Variants in ENAH observed in about 807,000 individuals in gnomAD.
The protein encoded by ENAH is protein enabled homolog.
In ENAH, 23 loss-of-function variants were observed where a neutral mutation model predicts 78.7. That is an observed-to-expected ratio of 0.29 (90% CI 0.21 to 0.41). The LOEUF (loss-of-function observed/expected upper bound fraction) is 0.41, where lower values mean the gene tolerates loss of function less well. Ranked by LOEUF, ENAH falls within the 10% of genes least tolerant of loss-of-function variation. The pLI, the probability that ENAH is intolerant of heterozygous loss-of-function variation, is 1.00. For missense variants in ENAH, 544 were observed against 691.0 expected (o/e 0.79, Z 2.39); for synonymous variants, 226 against 241.0 (o/e 0.94, Z 0.58).
Position 225,513,034 on chromosome 1 carries a change from G to A in ENAH, c.1219-18C>T, listed in dbSNP as rs781409858. ...TCCTCCATCTTAATGAGAATATACA[G>A]ACATAATCAACTCCTATGTTAGACA... On this transcript the variant is annotated intron_variant, in intron 7 of 13. Coordinates refer to ENST00000366843, the MANE Select transcript of ENAH (RefSeq NM_018212.6). The A allele has an allele frequency of 6.3e-7, 1 of 1,586,568 alleles. No individual in the cohort carries two copies. Among genetic ancestry groups the A allele is most frequent in the Non-Finnish European group, 8.6e-7 (1 of 1,168,368 alleles).
chr1:225,609,855 G>C (rs1171171113), intron 1 of ENAH, among the ~76,000 whole-genome samples: 1 of 151,722 alleles, frequency 6.6e-6, no homozygotes, highest in Admixed American at 6.6e-5. Flanking sequence ...AGTAGAGACA[G>C]CGTTTTGCTA....
rs1660300627 is a variant in ENAH at position 225,637,638 on chromosome 1, G to C, written c.5+15048C>G. On this transcript the variant is annotated intron_variant, in intron 1 of 13. Coordinates refer to ENST00000366843, the MANE Select transcript of ENAH (RefSeq NM_018212.6). ...ATGCAAATAACCATTCTATGTCTGGGTGCTGGTTTTTAATTTAAATATTCA... is the reference window on the plus strand; with the variant it reads ...ATGCAAATAACCATTCTATGTCTGGCTGCTGGTTTTTAATTTAAATATTCA... Among the ~76,000 whole-genome samples the C allele has an allele frequency of 2.0e-5, 3 of 152,148 alleles. 1 individual carries two copies. The South Asian group carries it at 6.2e-4, about 32-fold the overall frequency.
intron 1 of ENAH, among the ~76,000 whole-genome samples, chr1:225,569,114 T>C (rs1305117651): frequency 6.6e-6 from 1 of 152,212 alleles, no homozygotes; most frequent in African/African-American, 2.4e-5. Flanking sequence ...TGTGATGACA[T>C]TTACATAACC....
At chr1:225,643,538 C>G (rs953446965) in intron 1 of ENAH, among the ~76,000 whole-genome samples, 1 of 152,060 alleles carries the variant, frequency 6.6e-6, no homozygotes, top group Non-Finnish European at 1.5e-5. Context: ...AATAATGGAA[C>G]AAATCTAAAA....
chr1:225,519,578 A>T lies in ENAH; in HGVS notation c.435-13T>A. 6.3e-7 allele frequency: 1 copy of T among 1,583,678 alleles called. No individual in the cohort carries two copies. The highest frequency in any genetic ancestry group is 8.5e-7 in the Non-Finnish European group (1 of 1,172,436). ...TTCTTGTAGTTGTCTGGAAAAAAAA[A>T]AAAAAAAGTAAAAACATGCATCTAT... is the stretch of plus-strand genomic sequence containing the variant. On this transcript the variant is annotated splice_polypyrimidine_tract_variant and intron_variant, in intron 4 of 13. Transcript: ENST00000366843.
chr1:225,506,403 G>T (rs1001758422), intron 11 of ENAH, among the ~76,000 whole-genome samples: 1 of 152,146 alleles, frequency 6.6e-6, no homozygotes, highest in African/African-American at 2.4e-5. Flanking sequence ...AGCCAAGCTG[G>T]TCTCAAATTC....
chr1:225,557,962 C>T (rs532985152), intron 2 of ENAH, among the ~76,000 whole-genome samples: 1 of 152,264 alleles, frequency 6.6e-6, no homozygotes, highest in Admixed American at 6.5e-5. Flanking sequence ...CAAGTCCTCC[C>T]CAACATCTCT....
intron 3 of ENAH, among the ~76,000 whole-genome samples, chr1:225,534,982 TCA>T (rs1298064104): frequency 1.3e-5 from 2 of 152,060 alleles, no homozygotes; most frequent in Non-Finnish European, 2.9e-5. Flanking sequence ...CACTCTTAAG[TCA>T]CAGATTTCTA....
chr1:225,548,845 A>AG (rs2096627818), intron 3 of ENAH, among the ~76,000 whole-genome samples: 1 of 115,136 alleles, frequency 8.7e-6, no homozygotes, highest in South Asian at 2.8e-4. Flanking sequence ...CTTAGTGAAC[A>AG]GATTTTTTTT....
chr1:225,616,878 T>A (rs548315543), intron 1 of ENAH, among the ~76,000 whole-genome samples: 1 of 152,134 alleles, frequency 6.6e-6, no homozygotes, highest in African/African-American at 2.4e-5. Context: ...GGCGGGCAGA[T>A]CACCTGAGGT....
chr1:225,587,211 G>GA (rs908619129), intron 1 of ENAH, among the ~76,000 whole-genome samples: 1 of 151,378 alleles, frequency 6.6e-6, no homozygotes, highest in Non-Finnish European at 1.5e-5. Context: ...GAAAGAAAAG[G>GA]AAAAAAAAGA....
Position 225,487,798 on chromosome 1 carries a change from A to C in ENAH, c.*9977T>G, listed in dbSNP as rs2096206156. On this transcript the variant is annotated 3_prime_UTR_variant, in exon 14 of 14. Coordinates refer to ENST00000366843, the MANE Select transcript of ENAH (RefSeq NM_018212.6). ...CTAAAATTCAGAGCAAAGCAAGATG[A>C]CAAGAGATTCCAATTCCAGCATATA... 1 of 152,262 alleles carries C rather than the reference A, an allele frequency of 6.6e-6. No individual in the cohort carries two copies. The highest frequency in any genetic ancestry group is 1.5e-5 in the Non-Finnish European group (1 of 68,050). The allele number at this position is 152,262 out of a possible 1,614,324, so 9.4% of individuals were successfully genotyped here.
chr1:225,649,051 G>C (rs1160650977), intron 1 of ENAH, among the ~76,000 whole-genome samples: 1 of 151,920 alleles, frequency 6.6e-6, no homozygotes, highest in African/African-American at 2.4e-5. Flanking sequence ...AAATAGGCCT[G>C]GAAACAGGAG....
At chr1:225,652,553 G>A (rs942312888) in intron 1 of ENAH, 133 bp downstream of exon 1, 37 of 1,057,700 alleles carry the variant, frequency 3.5e-5, no homozygotes, top group Middle Eastern at 3.4e-4. Flanking sequence ...AAAAGGCGGA[G>A]GGGGGAGGAA....
intron 1 of ENAH, among the ~76,000 whole-genome samples, chr1:225,589,960 T>A (rs1575630509): frequency 6.6e-6 from 1 of 152,124 alleles, no homozygotes; most frequent in East Asian, 1.9e-4. Context: ...ATGTTTTATT[T>A]CTCCATATTC....
At chr1:225,519,601 T>C (rs1575384178) in intron 4 of ENAH, 36 bp from the exon 5 acceptor site, 3 of 1,573,652 alleles carry the variant, frequency 1.9e-6, no homozygotes, top group Admixed American at 3.8e-5. Flanking sequence ...AACATGCATC[T>C]ATGGCTACTC....
At position 225,497,730 on chromosome 1, in the gene ENAH, A is replaced by AT; in HGVS notation, c.*44dup. 6.3e-7 allele frequency: 1 copy of AT among 1,590,234 alleles called. No homozygotes were observed. Among genetic ancestry groups the AT allele is most frequent in the Non-Finnish European group, 8.6e-7 (1 of 1,162,356 alleles). ...TGTGAACAGTTGTTGTTTGTAGGAT[A>AT]TTTTTCCTCCAGATTAAAGTCCTAT... is the stretch of plus-strand genomic sequence containing the variant. On this transcript the variant is annotated 3_prime_UTR_variant, in exon 14 of 14. Transcript: ENST00000366843.
At chr1:225,598,891 G>A (rs567910750) in intron 1 of ENAH, among the ~76,000 whole-genome samples, 2 of 151,952 alleles carry the variant, frequency 1.3e-5, no homozygotes, top group African/African-American at 4.8e-5. Context: ...ACTGAGTTAG[G>A]GAGTGTTAGT....
At chr1:225,604,575 G>C (rs1042743040) in intron 1 of ENAH, among the ~76,000 whole-genome samples, 1 of 150,706 alleles carries the variant, frequency 6.6e-6, no homozygotes, top group Admixed American at 6.6e-5. Flanking sequence ...CTTGAGGTCA[G>C]GAGTTCGAGA....
Sources: gnomAD v4.1 joint callset for allele counts (sites outside exome capture counted in the v4.1 genomes callset) on GRCh38, gnomAD v4.1.1 for gene constraint, MANE v1.5 for transcripts, NCBI Gene and HGNC (gene_info 2026-07-23, HGNC 2026-07-21) for gene names.